SPRED2: variants seen among roughly 807,000 people sequenced by gnomAD.
SPRED2 encodes sprouty related EVH1 domain containing 2.
Under a neutral mutation model 43.0 loss-of-function variants are expected in SPRED2, and 47 were observed. The ratio of observed to expected loss-of-function variants is 1.09; its 90% CI spans 0.87 to 1.40. SPRED2 has a LOEUF of 1.40. Ranked by LOEUF, SPRED2 falls within the 40% of genes most tolerant of loss-of-function variation. SPRED2 has a pLI of 0.00. For synonymous variants in SPRED2, 225 were observed against 225.7 expected (o/e 1.00, Z 0.03); for missense variants, 561 against 586.4 (o/e 0.96, Z 0.45).
At chr2:65,322,286 A>ATTTTTT (rs1558649792) in intron 4 of SPRED2, among the ~76,000 whole-genome samples, 1 of 98,370 alleles carries the variant, frequency 1.0e-5, no homozygotes, top group African/African-American at 4.8e-5. Flanking sequence ...ATATATATAT[A>ATTTTTT]TATATATATT....
rs909543101 is a variant in SPRED2 at position 65,316,625 on chromosome 2, C to T, written c.588+109G>A. On this transcript the variant is annotated intron_variant, in intron 5 of 5. Transcript: ENST00000356388. ...TATGAAGTGGGGGTAAAGGCAGGAG[C>T]AGGAGAGGCCTGTGGTCATGGAATT... 6 of 1,316,654 alleles carry T rather than the reference C, an allele frequency of 4.6e-6. No homozygotes were observed. The African/African-American group carries it at 8.8e-5, about 19-fold the overall frequency. The allele number at this position is 1,316,654 out of a possible 1,614,324, so 81.6% of individuals were successfully genotyped here.
In SPRED2 at chr2:65,392,175, CTTTTTTTTTTT is replaced by C. The variant is rs70943649; in HGVS notation, c.26+39776_26+39786del. The stretch of plus-strand genomic sequence containing the variant: ...TCCTCTGTCATTTCTTCCAGAATTT[CTTTTTTTTTTT>C]TTTTTTTTTTGGAGACAGGGTCTTG... On this transcript the variant is annotated intron_variant, in intron 1 of 5. Coordinates refer to ENST00000356388, the MANE Select transcript of SPRED2 (RefSeq NM_181784.3). 1.9e-4 allele frequency among the ~76,000 whole-genome samples: 19 copies of C among 98,728 alleles called. No individual in the cohort carries two copies. In the South Asian group the frequency reaches 3.1e-3, roughly 16 times the overall value. 64.8% of individuals were successfully genotyped at this position (98,728 alleles called of 152,430 possible).
At chr2:65,336,740 G>C (rs1470352350) in intron 2 of SPRED2, among the ~76,000 whole-genome samples, 1 of 152,108 alleles carries the variant, frequency 6.6e-6, no homozygotes, top group Non-Finnish European at 1.5e-5. Flanking sequence ...CCATATTTTG[G>C]GGGTGAAAAA....
At chr2:65,367,422 C>G in intron 1 of SPRED2, among the ~76,000 whole-genome samples, 1 of 152,010 alleles carries the variant, frequency 6.6e-6, no homozygotes, top group Non-Finnish European at 1.5e-5. Flanking sequence ...CTGTATTTCT[C>G]TTTTTTGAAG....
intron 1 of SPRED2, among the ~76,000 whole-genome samples, chr2:65,357,022 T>G (rs1197019504): frequency 6.6e-6 from 1 of 151,834 alleles, no homozygotes; most frequent in Non-Finnish European, 1.5e-5. Context: ...AAAAACCTGC[T>G]CTCAAACAAA....
At chr2:65,390,446 C>G (rs935347511) in intron 1 of SPRED2, among the ~76,000 whole-genome samples, 3 of 152,260 alleles carry the variant, frequency 2.0e-5, no homozygotes, top group African/African-American at 7.2e-5. Flanking sequence ...GGAGTAACAG[C>G]ATCGTTACTG....
intron 1 of SPRED2, 39 bp downstream of exon 1, chr2:65,431,923 C>G (rs1162489273): frequency 1.2e-6 from 2 of 1,613,182 alleles, no homozygotes; most frequent in East Asian, 2.2e-5. Context: ...CACGCTGCCC[C>G]TGAGGGGCAC....
At chr2:65,337,281 T>C (rs927547831) in intron 2 of SPRED2, among the ~76,000 whole-genome samples, 10 of 152,114 alleles carry the variant, frequency 6.6e-5, no homozygotes, top group African/African-American at 2.2e-4. Flanking sequence ...AGATATAAAC[T>C]CTCTGGTGAA....
At position 65,322,013 on chromosome 2, in the gene SPRED2, A is replaced by AATCT. The variant is rs1673427481; in HGVS notation, c.439-5134_439-5131dup. ...TGGTCTCCAACTCCTGAGCTCAGGCAATCTGCCCACCTTGTCCTCCTAAAG... is the reference window on the plus strand; with the variant it reads ...TGGTCTCCAACTCCTGAGCTCAGGCAATCTATCTGCCCACCTTGTCCTCCTAAAG... On this transcript the variant is annotated intron_variant, in intron 4 of 5. Coordinates refer to ENST00000356388, the MANE Select transcript of SPRED2 (RefSeq NM_181784.3). 2.0e-5 allele frequency among the ~76,000 whole-genome samples: 3 copies of AATCT among 151,394 alleles called. No individual in the cohort carries two copies. The South Asian group carries it at 6.3e-4, about 32-fold the overall frequency.
At position 65,432,041 on chromosome 2, in the gene SPRED2, C is replaced by T; in HGVS notation, c.-54G>A. 1.2e-6 allele frequency: 2 copies of T among 1,611,426 alleles called. No individual in the cohort carries two copies. Among genetic ancestry groups the T allele is most frequent in the South Asian group, 1.1e-5 (1 of 90,978 alleles). On this transcript the variant is annotated 5_prime_UTR_variant, in exon 1 of 6. Coordinates refer to ENST00000356388, the MANE Select transcript of SPRED2 (RefSeq NM_181784.3). ...CGGCGGGCAGCTTTGCTCCCTTCATCTTCCTGTCCGCTCGCCCCCCTTCTT... is the reference window on the plus strand; with the variant it reads ...CGGCGGGCAGCTTTGCTCCCTTCATTTTCCTGTCCGCTCGCCCCCCTTCTT...
chr2:65,338,195 CG>C (rs1451845276), intron 2 of SPRED2, among the ~76,000 whole-genome samples: 1 of 114,702 alleles, frequency 8.7e-6, no homozygotes, highest in African/African-American at 3.2e-5. Flanking sequence ...CTCCCTCTCC[CG>C]TCTCCCTCTC....
intron 1 of SPRED2, among the ~76,000 whole-genome samples, chr2:65,414,512 G>A (rs1377375876): frequency 1.3e-5 from 2 of 152,190 alleles, no homozygotes; most frequent in Admixed American, 1.3e-4. Flanking sequence ...TTGTCATGGA[G>A]GAGTCTTTCT....
chr2:65,321,434 G>A (rs902956126), intron 4 of SPRED2, among the ~76,000 whole-genome samples: 1 of 150,030 alleles, frequency 6.7e-6, no homozygotes, highest in Admixed American at 6.7e-5. Context: ...CGCTTTGGGA[G>A]GCTGAGGTAG....
At chr2:65,332,415 G>A (rs759959502) in intron 3 of SPRED2, 4 of 168,594 alleles carry the variant, frequency 2.4e-5, no homozygotes, top group South Asian at 1.5e-4. Context: ...GGTCCCAGCC[G>A]TGTAGTGGGA....
chr2:65,353,410 G>A (rs1220750762), intron 1 of SPRED2, among the ~76,000 whole-genome samples: 1 of 152,170 alleles, frequency 6.6e-6, no homozygotes, highest in African/African-American at 2.4e-5. Context: ...CATATTAAAA[G>A]AGGCCGTTTC....
Position 65,313,808 on chromosome 2 carries a change from T to A in SPRED2, c.950A>T (p.Asn317Ile), listed in dbSNP as rs936514564. 3 of 1,613,892 alleles carry A rather than the reference T, an allele frequency of 1.9e-6. No individual in the cohort carries two copies. In the African/African-American group the frequency reaches 4.0e-5, roughly 22 times the overall value. Residue 317 changes from asparagine to isoleucine, a missense_variant, in exon 6 of 6, where the codon AAC becomes ATC. Asn to Ile is a moderately radical substitution (Grantham distance 149, BLOSUM62 -3). Around this residue, in one of 6 missense-constraint regions of SPRED2, gnomAD observed 164 missense variants for 164.1 expected, o/e 1.00. Coordinates refer to ENST00000356388, the MANE Select transcript of SPRED2 (RefSeq NM_181784.3). Reference protein sequence around the residue: ...SRCVYCRDMFNHEENRRGHCQ... With the variant: ...SRCVYCRDMFIHEENRRGHCQ... ...GTGGCCCCGGCGGTTCTCCTCGTGG[T>A]TGAACATGTCCCTGCAGTACACGCA...
At chr2:65,430,920 C>T (rs952624229) in intron 1 of SPRED2, among the ~76,000 whole-genome samples, 1 of 152,140 alleles carries the variant, frequency 6.6e-6, no homozygotes, top group African/African-American at 2.4e-5. Flanking sequence ...CAGCGGCGGC[C>T]GCCGCGCGGT....
At chr2:65,415,734 T>A (rs576980284) in intron 1 of SPRED2, among the ~76,000 whole-genome samples, 16 of 152,208 alleles carry the variant, frequency 1.1e-4, no homozygotes, top group South Asian at 4.1e-4. Flanking sequence ...TTTTATTTTT[T>A]AATTTTTTTT....
chr2:65,387,166 G>A (rs1452544877), intron 1 of SPRED2, among the ~76,000 whole-genome samples: 3 of 152,204 alleles, frequency 2.0e-5, no homozygotes, highest in Admixed American at 2.0e-4. Context: ...TGTGTGGGAG[G>A]TGCACAGTGG....
Sources: gnomAD v4.1 joint callset for allele counts (sites outside exome capture counted in the v4.1 genomes callset) on GRCh38, gnomAD v4.1.1 for gene constraint, gnomAD v4.1.1 regional missense constraint, MANE v1.5 for transcripts, NCBI Gene and HGNC (gene_info 2026-07-23, HGNC 2026-07-21) for gene names.